Variants in EPB41L4A observed in about 807,000 individuals in gnomAD.
EPB41L4A encodes erythrocyte membrane protein band 4.1 like 4A.
EPB41L4A carries 100 observed loss-of-function variants against 108.6 expected under a neutral mutation model. That is an observed-to-expected ratio of 0.92 (90% CI 0.78 to 1.09). EPB41L4A has a LOEUF of 1.09. EPB41L4A is among the 50% of genes least tolerant of loss of function. The pLI, the probability that EPB41L4A is intolerant of heterozygous loss-of-function variation, is 0.00. For synonymous variants in EPB41L4A, 319 were observed against 289.0 expected, an observed-to-expected ratio of 1.10 and a Z score of -1.05; for missense variants, 1,030 against 842.7, an observed-to-expected ratio of 1.22 and a Z score of -2.75.
At chr5:112,366,297 G>GAA (rs397932986) in intron 1 of EPB41L4A, among the ~76,000 whole-genome samples, 17 of 142,658 alleles carry the variant, frequency 1.2e-4, no homozygotes, top group Middle Eastern at 3.6e-3. Context: ...ATCATTTTTA[G>GAA]AAAAAAAAAA....
intron 17 of EPB41L4A, 54 bp downstream of exon 17, chr5:112,194,514 C>T: frequency 9.2e-7 from 1 of 1,084,764 alleles, no homozygotes; most frequent in South Asian, 1.5e-5. Flanking sequence ...TTTCTACCAC[C>T]AAGGGCAGCC....
At chr5:112,168,626 A>C (rs1423294083) in intron 22 of EPB41L4A, 113 bp downstream of exon 22, 2 of 724,088 alleles carry the variant, frequency 2.8e-6, no homozygotes, top group Admixed American at 5.1e-5. Flanking sequence ...TCTCAGAATG[A>C]CATTAAGGTT....
chr5:112,229,185 A>T (rs917571766), intron 12 of EPB41L4A, among the ~76,000 whole-genome samples: 1 of 152,204 alleles, frequency 6.6e-6, no homozygotes, highest in Non-Finnish European at 1.5e-5. Flanking sequence ...ACGACTTTTT[A>T]AAAAATTATA....
At chr5:112,290,420 G>A (rs774836210) in intron 2 of EPB41L4A, among the ~76,000 whole-genome samples, 4 of 152,060 alleles carry the variant, frequency 2.6e-5, no homozygotes, top group Non-Finnish European at 5.9e-5. Context: ...TAGGACCAGG[G>A]CACATAATAA....
At chr5:112,248,176 G>C (rs1750381731) in intron 9 of EPB41L4A, among the ~76,000 whole-genome samples, 1 of 152,198 alleles carries the variant, frequency 6.6e-6, no homozygotes, top group African/African-American at 2.4e-5. Context: ...ATTGAAACAG[G>C]AGCCAGGTAT....
chr5:112,315,632 C>A (rs2150604354), intron 1 of EPB41L4A, among the ~76,000 whole-genome samples: 1 of 152,044 alleles, frequency 6.6e-6, no homozygotes, highest in African/African-American at 2.4e-5. Flanking sequence ...CATATAATTC[C>A]AATAGACTCA....
chr5:112,301,243 G>A (rs145760782), intron 2 of EPB41L4A, among the ~76,000 whole-genome samples: 2 of 152,192 alleles, frequency 1.3e-5, no homozygotes, highest in African/African-American at 4.8e-5. Flanking sequence ...CATATTACCA[G>A]AATTGTTTTT....
chr5:112,346,909 T>G (rs886502203), intron 1 of EPB41L4A, among the ~76,000 whole-genome samples: 2 of 152,194 alleles, frequency 1.3e-5, no homozygotes, highest in African/African-American at 2.4e-5. Context: ...AAGTCCCCAG[T>G]GCTCATTACA....
At chr5:112,150,013 C>T (rs1759406486) in intron 12 of EPB41L4A, among the ~76,000 whole-genome samples, 2 of 152,050 alleles carry the variant, frequency 1.3e-5, no homozygotes, top group East Asian at 3.9e-4. Flanking sequence ...AGGGAGATCA[C>T]CCTACAGAAG....
intron 18 of EPB41L4A, among the ~76,000 whole-genome samples, chr5:112,176,528 A>G (rs780091156): frequency 3.3e-5 from 5 of 152,060 alleles, no homozygotes; most frequent in Non-Finnish European, 7.4e-5. Flanking sequence ...CACTCAGTGC[A>G]TCTGCTCAGA....
chr5:112,318,699 G>C (rs1361134817), intron 1 of EPB41L4A, among the ~76,000 whole-genome samples: 3 of 152,080 alleles, frequency 2.0e-5, no homozygotes, highest in African/African-American at 7.2e-5. Flanking sequence ...CTAAATGTTG[G>C]GTAGTTTGTT....
At chr5:112,303,024 G>C (rs1201123395) in intron 2 of EPB41L4A, among the ~76,000 whole-genome samples, 1 of 152,128 alleles carries the variant, frequency 6.6e-6, no homozygotes, top group African/African-American at 2.4e-5. Flanking sequence ...TCTGCTTCTT[G>C]ATCTTTCCCC....
chr5:112,369,590 T>G (rs977518919), intron 1 of EPB41L4A, among the ~76,000 whole-genome samples: 14 of 152,236 alleles, frequency 9.2e-5, no homozygotes, highest in Non-Finnish European at 1.9e-4. Flanking sequence ...GCTGGTTATT[T>G]TTTTAATTGA....
chr5:112,196,007 A>T (rs1183707637), intron 15 of EPB41L4A, among the ~76,000 whole-genome samples: 1 of 152,198 alleles, frequency 6.6e-6, no homozygotes, highest in Non-Finnish European at 1.5e-5. Flanking sequence ...GATTTCTGCC[A>T]TAGTGGAACT....
At chr5:112,269,600 T>A (rs1402663537) in intron 4 of EPB41L4A, among the ~76,000 whole-genome samples, 1 of 152,210 alleles carries the variant, frequency 6.6e-6, no homozygotes, top group East Asian at 1.9e-4. Context: ...GATGAACCTA[T>A]GTGCCAGTCT....
chr5:112,363,126 C>A (rs1011696281), intron 1 of EPB41L4A, among the ~76,000 whole-genome samples: 3 of 152,026 alleles, frequency 2.0e-5, no homozygotes, highest in Non-Finnish European at 4.4e-5. Flanking sequence ...TAGTCAGAGC[C>A]CAGTGTGAGT....
At chr5:112,338,953 A>G (rs1757090130) in intron 1 of EPB41L4A, among the ~76,000 whole-genome samples, 1 of 152,136 alleles carries the variant, frequency 6.6e-6, no homozygotes, top group African/African-American at 2.4e-5. Context: ...CTCACACTTT[A>G]TCTCCAGACC....
Position 112,324,718 on chromosome 5 carries a change from T to C in EPB41L4A, c.100-17228A>G, listed in dbSNP as rs186013075. ...TCCTGGGTGACAGAGTGAGAGTCTG[T>C]CTAAAAAAAAAAAAAAAAAAAATTA... On this transcript the variant is annotated intron_variant, in intron 1 of 22. Coordinates refer to ENST00000261486, the MANE Select transcript of EPB41L4A (RefSeq NM_022140.5). 3.0e-3 allele frequency among the ~76,000 whole-genome samples: 342 copies of C among 113,224 alleles called. 2 individuals carry two copies. Among genetic ancestry groups the C allele is most frequent in the African/African-American group, 0.014 (320 of 23,034 alleles). 74.3% of individuals were successfully genotyped at this position (113,224 alleles called of 152,430 possible).
At chr5:112,370,733 G>A (rs531000699) in intron 1 of EPB41L4A, among the ~76,000 whole-genome samples, 9 of 152,246 alleles carry the variant, frequency 5.9e-5, no homozygotes, top group Admixed American at 2.0e-4. Flanking sequence ...TGGCCAACAC[G>A]GCAAAACCCT....
Sources: gnomAD v4.1 joint callset for allele counts (sites outside exome capture counted in the v4.1 genomes callset) on GRCh38, gnomAD v4.1.1 for gene constraint, MANE v1.5 for transcripts, NCBI Gene and HGNC (gene_info 2026-07-23, HGNC 2026-07-21) for gene names.